MAP4K3: variants seen among roughly 807,000 people sequenced by gnomAD.
MAP4K3 encodes mitogen-activated protein kinase kinase kinase kinase 3, also known as MAPK/ERK kinase kinase kinase 3.
MAP4K3 carries 94 observed loss-of-function variants against 143.5 expected under a neutral mutation model. That is an observed-to-expected ratio of 0.65 (90% CI 0.55 to 0.78). MAP4K3 has a LOEUF of 0.78. Ranked by LOEUF, MAP4K3 falls within the 30% of genes least tolerant of loss-of-function variation. MAP4K3 has a pLI of 0.00. For synonymous variants in MAP4K3, 416 were observed against 347.2 expected, an observed-to-expected ratio of 1.20 and a Z score of -2.20; for missense variants, 1,077 against 1,068.1, an observed-to-expected ratio of 1.01 and a Z score of -0.12.
At chr2:39,436,319 A>G (rs1403159557) in intron 1 of MAP4K3, among the ~76,000 whole-genome samples, 1 of 124,554 alleles carries the variant, frequency 8.0e-6, no homozygotes, top group Non-Finnish European at 1.8e-5. Context: ...TGCTCTTTCC[A>G]AAAAAAAAAA....
chr2:39,408,763 T>G (rs1216164547), intron 1 of MAP4K3, among the ~76,000 whole-genome samples: 1 of 151,896 alleles, frequency 6.6e-6, no homozygotes, highest in East Asian at 1.9e-4. Flanking sequence ...TTGATGGAGA[T>G]GAGTGCTTCT....
At chr2:39,386,770 T>C (rs1018889997) in intron 1 of MAP4K3, among the ~76,000 whole-genome samples, 1 of 152,122 alleles carries the variant, frequency 6.6e-6, no homozygotes, top group Non-Finnish European at 1.5e-5. Flanking sequence ...TGTGTGTTTA[T>C]CTCTTACCTA....
intron 1 of MAP4K3, among the ~76,000 whole-genome samples, chr2:39,417,895 AAAGT>A (rs940463566): frequency 6.6e-6 from 1 of 152,154 alleles, no homozygotes; most frequent in Non-Finnish European, 1.5e-5. Flanking sequence ...GCAGTGCCAG[AAAGT>A]AAGCATTAAA....
At chr2:39,250,859 G>A (rs893870601) in intron 33 of MAP4K3, among the ~76,000 whole-genome samples, 154 bp from the exon 34 acceptor site, 3 of 152,190 alleles carry the variant, frequency 2.0e-5, no homozygotes, top group African/African-American at 7.2e-5. Context: ...TGATTACAGG[G>A]CCAGTTCTAG....
chr2:39,425,004 A>T (rs933720407), intron 1 of MAP4K3, among the ~76,000 whole-genome samples: 1 of 152,162 alleles, frequency 6.6e-6, no homozygotes, highest in Admixed American at 6.5e-5. Context: ...TCCCAAACTG[A>T]GAAATTAAAA....
rs1035907742 is a variant in MAP4K3, at chr2:39,258,729, C to T, written c.2309-142G>A. On this transcript the variant is annotated intron_variant, in intron 29 of 33. Transcript: ENST00000263881. ...ATACACATGTAGTGACTGAGCCAGG[C>T]TAGTGGGTTTAAATGCTGATGCAAG... 3 of 678,422 alleles carry T rather than the reference C, an allele frequency of 4.4e-6. No homozygotes were observed. The African/African-American group carries it at 5.5e-5, about 12-fold the overall frequency. 42.0% of individuals were successfully genotyped at this position (678,422 alleles called of 1,614,324 possible).
chr2:39,320,602 A>G (rs1426416433), intron 12 of MAP4K3, among the ~76,000 whole-genome samples: 3 of 152,036 alleles, frequency 2.0e-5, no homozygotes, highest in African/African-American at 7.2e-5. Context: ...TGCACTGCCA[A>G]CTTCATACAG....
At chr2:39,390,644 G>A (rs1666626814) in intron 1 of MAP4K3, among the ~76,000 whole-genome samples, 1 of 152,126 alleles carries the variant, frequency 6.6e-6, no homozygotes, top group South Asian at 2.1e-4. Context: ...GCAACAGGGA[G>A]TAAGTGGTGG....
intron 1 of MAP4K3, among the ~76,000 whole-genome samples, chr2:39,432,928 T>C (rs1027834795): frequency 2.0e-5 from 3 of 152,094 alleles, no homozygotes; most frequent in Admixed American, 6.6e-5. Context: ...AAAAAATCAA[T>C]ATCAACGTTT....
Position 39,437,245 on chromosome 2 carries a change from T to G in MAP4K3, c.-258A>C, listed in dbSNP as rs1246272726. The G allele has an allele frequency of 1.8e-5, 5 of 277,158 alleles. No individual in the cohort carries two copies. The highest frequency in any genetic ancestry group is 3.4e-5 in the Non-Finnish European group (5 of 149,172). The allele number at this position is 277,158 out of a possible 1,614,324, so 17.2% of individuals were successfully genotyped here. On this transcript the variant is annotated 5_prime_UTR_variant, in exon 1 of 34. Coordinates refer to ENST00000263881, the MANE Select transcript of MAP4K3 (RefSeq NM_003618.4). ...CACACCCACAAGGAGAGGAGAACCC[T>G]CGCAGCCCCTCGCTCGGGGTGAAAC...
intron 4 of MAP4K3, 40 bp from the exon 5 acceptor site, chr2:39,337,621 C>T (rs147508800): frequency 4.1e-4 from 568 of 1,368,888 alleles, no homozygotes; most frequent in African/African-American, 2.1e-3. Context: ...AATTAGTCAA[C>T]GCATGTTTTT....
chr2:39,380,698 G>A (rs1185412709), intron 1 of MAP4K3, among the ~76,000 whole-genome samples: 1 of 152,086 alleles, frequency 6.6e-6, no homozygotes, highest in Non-Finnish European at 1.5e-5. Context: ...TCATCATGCT[G>A]TTCTTGACTT....
intron 15 of MAP4K3, among the ~76,000 whole-genome samples, chr2:39,302,790 T>A (rs1682559388): frequency 6.6e-6 from 1 of 152,200 alleles, no homozygotes; most frequent in African/African-American, 2.4e-5. Flanking sequence ...TAACAGGAGC[T>A]GAAAACATGC....
At chr2:39,398,830 G>T (rs1666879789) in intron 1 of MAP4K3, among the ~76,000 whole-genome samples, 1 of 150,798 alleles carries the variant, frequency 6.6e-6, no homozygotes, top group Admixed American at 6.6e-5. Flanking sequence ...ATCACTTGAG[G>T]TCAAGAGTTC....
At chr2:39,296,875 T>G (rs1482892490) in intron 16 of MAP4K3, among the ~76,000 whole-genome samples, 1 of 152,218 alleles carries the variant, frequency 6.6e-6, no homozygotes, top group Admixed American at 6.5e-5. Context: ...TTCCATTTCA[T>G]CCTTAGCACC....
intron 23 of MAP4K3, among the ~76,000 whole-genome samples, chr2:39,279,405 T>C (rs1220115867): frequency 6.6e-6 from 1 of 152,172 alleles, no homozygotes; most frequent in Non-Finnish European, 1.5e-5. Context: ...GCCTATGACA[T>C]AAAAGTACTC....
chr2:39,406,158 G>C (rs914611718), intron 1 of MAP4K3, among the ~76,000 whole-genome samples: 1 of 151,812 alleles, frequency 6.6e-6, no homozygotes, highest in Admixed American at 6.6e-5. Flanking sequence ...GAAAGAATGA[G>C]TTAGCTTGAA....
chr2:39,389,618 T>C (rs1666598983), intron 1 of MAP4K3, among the ~76,000 whole-genome samples: 1 of 152,210 alleles, frequency 6.6e-6, no homozygotes, highest in East Asian at 1.9e-4. Flanking sequence ...CCAGAAAGAC[T>C]GTAGAAAATG....
chr2:39,291,956 T>C (rs578137027), intron 18 of MAP4K3, among the ~76,000 whole-genome samples: 3 of 152,196 alleles, frequency 2.0e-5, no homozygotes, highest in Non-Finnish European at 2.9e-5. Context: ...AGAAAGTTTA[T>C]GTAACTTTAC....
Sources: allele counts gnomAD v4.1 joint callset (sites outside exome capture counted in the v4.1 genomes callset), GRCh38; gene constraint gnomAD v4.1.1; transcripts MANE v1.5; gene names NCBI Gene and HGNC (gene_info 2026-07-23, HGNC 2026-07-21).